LARP4: variants seen among roughly 807,000 people sequenced by gnomAD.
LARP4 encodes La ribonucleoprotein 4, also known as la-related protein 4.
A neutral mutation model predicts 92.9 loss-of-function variants in LARP4; 29 were observed. The ratio of observed to expected loss-of-function variants is 0.31; its 90% CI spans 0.23 to 0.43. The LOEUF is 0.43. LARP4 is among the 20% of genes least tolerant of loss of function. The pLI, the probability that LARP4 is intolerant of heterozygous loss-of-function variation, is 1.00. For synonymous variants in LARP4, 279 were observed against 284.1 expected, an observed-to-expected ratio of 0.98 and a Z score of 0.18; for missense variants, 732 against 860.0, an observed-to-expected ratio of 0.85 and a Z score of 1.86.
chr12:50,410,408 CT>C (rs200457985), intron 1 of LARP4, among the ~76,000 whole-genome samples: 343 of 132,928 alleles, frequency 2.6e-3, no homozygotes, highest in Middle Eastern at 3.9e-3. Flanking sequence ...GATTCTTTAT[CT>C]TTTTTTTTTT....
At chr12:50,463,579 T>A (rs1176777176) in intron 12 of LARP4, among the ~76,000 whole-genome samples, 1 of 151,986 alleles carries the variant, frequency 6.6e-6, no homozygotes, top group Non-Finnish European at 1.5e-5. Flanking sequence ...AGAGTGAGAC[T>A]CTGTCTCAAA....
At chr12:50,434,018 G>A (rs1052044455) in intron 4 of LARP4, among the ~76,000 whole-genome samples, 1 of 152,154 alleles carries the variant, frequency 6.6e-6, no homozygotes, top group South Asian at 2.1e-4. Flanking sequence ...ATACATTATT[G>A]ATTGAACAGC....
chr12:50,461,423 A>C, intron 11 of LARP4, 76 bp downstream of exon 11: 1 of 1,254,178 alleles, frequency 8.0e-7, no homozygotes, highest in South Asian at 1.3e-5. Flanking sequence ...TGATCTTCAT[A>C]ATAATTAAAT....
At chr12:50,431,096 C>T (rs890896081) in intron 4 of LARP4, among the ~76,000 whole-genome samples, 5 of 152,038 alleles carry the variant, frequency 3.3e-5, no homozygotes, top group East Asian at 2.0e-4. Flanking sequence ...GGAGAAACCC[C>T]GTCTCTACTA....
chr12:50,462,575 T>C lies in LARP4; in HGVS notation c.1335-7T>C, dbSNP rs780096937. ...CCACCCCACCCCCACCTTTTTCTTA[T>C]TAAAAGGAGAACTCTCTTCAGAGGT... On this transcript the variant is annotated splice_polypyrimidine_tract_variant and splice_region_variant and intron_variant, in intron 11 of 15. Transcript: ENST00000398473. 1.4e-6 allele frequency: 2 copies of C among 1,442,470 alleles called. No individual in the cohort carries two copies. Among genetic ancestry groups the C allele is most frequent in the African/African-American group, 1.4e-5 (1 of 69,274 alleles). 89.4% of individuals were successfully genotyped at this position (1,442,470 alleles called of 1,614,324 possible).
chr12:50,402,665 T>C, intron 1 of LARP4: 2 of 393,130 alleles, frequency 5.1e-6, no homozygotes, highest in South Asian at 3.8e-5. Context: ...ATACTTAATA[T>C]GTTTTACAGA....
chr12:50,433,895 C>A (rs1002162242), intron 4 of LARP4, among the ~76,000 whole-genome samples: 2 of 152,156 alleles, frequency 1.3e-5, no homozygotes, highest in African/African-American at 4.8e-5. Context: ...CCACCTTTGC[C>A]TCCCAAAGTG....
chr12:50,405,884 A>G (rs550447615), intron 1 of LARP4, among the ~76,000 whole-genome samples: 10 of 152,330 alleles, frequency 6.6e-5, no homozygotes, highest in African/African-American at 2.2e-4. Flanking sequence ...ATCTTTGTGT[A>G]TATGTTAAAT....
chr12:50,451,861 G>A (rs1318919030), intron 8 of LARP4, among the ~76,000 whole-genome samples: 1 of 151,982 alleles, frequency 6.6e-6, no homozygotes, highest in African/African-American at 2.4e-5. Context: ...AAAATCAGCC[G>A]GGCGTGTTGG....
chr12:50,467,439 C>T (rs1234438044), intron 13 of LARP4, among the ~76,000 whole-genome samples: 2 of 151,756 alleles, frequency 1.3e-5, no homozygotes, highest in African/African-American at 2.4e-5. Flanking sequence ...TACAGGCATG[C>T]GCAACCATGC....
At chr12:50,463,952 A>G (rs973449835) in intron 12 of LARP4, among the ~76,000 whole-genome samples, 11 of 152,032 alleles carry the variant, frequency 7.2e-5, no homozygotes, top group African/African-American at 2.4e-4. Flanking sequence ...CTTTCAGAGG[A>G]TGCCATACAT....
chr12:50,431,585 G>A (rs545084813), intron 4 of LARP4, among the ~76,000 whole-genome samples: 2 of 152,224 alleles, frequency 1.3e-5, no homozygotes, highest in South Asian at 4.2e-4. Context: ...AGTGGCTCAT[G>A]CCTGTAATCC....
At chr12:50,412,474 T>C in intron 1 of LARP4, 1 of 926,384 alleles carries the variant, frequency 1.1e-6, no homozygotes, top group Non-Finnish European at 1.3e-6. Context: ...CAAAAGGTTA[T>C]GTATGTCCGA....
chr12:50,458,239 C>T (rs993739900), intron 10 of LARP4, among the ~76,000 whole-genome samples: 3 of 151,932 alleles, frequency 2.0e-5, no homozygotes, highest in Non-Finnish European at 4.4e-5. Flanking sequence ...GAGCCCACTG[C>T]GCCCAGCCTG....
intron 1 of LARP4, among the ~76,000 whole-genome samples, chr12:50,425,166 A>AC (rs1304968422): frequency 2.6e-4 from 40 of 152,142 alleles, no homozygotes; most frequent in African/African-American, 7.5e-4. Context: ...GAAAAAAAAA[A>AC]CTACCTTGAA....
intron 7 of LARP4, 114 bp from the exon 8 acceptor site, chr12:50,441,476 A>G: frequency 3.0e-6 from 2 of 660,896 alleles, no homozygotes; most frequent in Non-Finnish European, 5.2e-6. Flanking sequence ...GCACAGTGGA[A>G]TCACCTACAT....
chr12:50,401,901 C>T (rs2136159077), intron 1 of LARP4, among the ~76,000 whole-genome samples: 1 of 152,312 alleles, frequency 6.6e-6, no homozygotes, highest in Admixed American at 6.5e-5. Flanking sequence ...TCCCTTAATT[C>T]TGTCCTCTTG....
Position 50,477,809 on chromosome 12 carries a change from G to C in LARP4, c.*1945G>C, listed in dbSNP as rs1957636365. 6.6e-6 allele frequency: 1 copy of C among 152,394 alleles called. No homozygotes were observed. The highest frequency in any genetic ancestry group is 2.4e-5 in the African/African-American group (1 of 41,424). The allele number at this position is 152,394 out of a possible 1,614,324, so 9.4% of individuals were successfully genotyped here. On this transcript the variant is annotated 3_prime_UTR_variant, in exon 16 of 16. Coordinates refer to ENST00000398473, the MANE Select transcript of LARP4 (RefSeq NM_052879.5). ...AAACTACCTGTGCTGAAATTTGGGG[G>C]AAGTTTAGGTCCTTTAAAAAAACAT...
chr12:50,440,670 C>A, intron 7 of LARP4, 121 bp downstream of exon 7: 1 of 619,910 alleles, frequency 1.6e-6, no homozygotes. Flanking sequence ...GTACCTTGGT[C>A]ACCCTTTTGC....
Sources: gnomAD v4.1 joint callset for allele counts (sites outside exome capture counted in the v4.1 genomes callset) on GRCh38, gnomAD v4.1.1 for gene constraint, MANE v1.5 for transcripts, NCBI Gene and HGNC (gene_info 2026-07-23, HGNC 2026-07-21) for gene names.